The following SF3B2 variants were observed in gnomAD, a reference collection of about 807,000 sequenced individuals.
SF3B2 encodes the protein splicing factor 3b subunit 2.
SF3B2 carries 22 observed loss-of-function variants against 116.3 expected under a neutral mutation model. That is an observed-to-expected ratio of 0.19 (90% CI 0.14 to 0.27). The LOEUF (loss-of-function observed/expected upper bound fraction) is 0.27, where lower values mean the gene tolerates loss of function less well. Ranked by LOEUF, SF3B2 falls within the 10% of genes least tolerant of loss-of-function variation. SF3B2 has a pLI of 1.00. For missense variants in SF3B2, 767 were observed against 1,151.4 expected (o/e 0.67, Z 4.83); for synonymous variants, 406 against 421.6 (o/e 0.96, Z 0.45).
At chr11:66,058,484 C>G (rs1857042623) in intron 9 of SF3B2, 79 bp downstream of exon 9, 2 of 1,084,378 alleles carry the variant, frequency 1.8e-6, no homozygotes, top group Admixed American at 3.7e-5. Context: ...TGTAAGTGTT[C>G]AGTAAGTAAT....
At chr11:66,052,647 C>T in intron 1 of SF3B2, 26 bp from the exon 2 acceptor site, 1 of 1,597,868 alleles carries the variant, frequency 6.3e-7, no homozygotes, top group Non-Finnish European at 8.5e-7. Context: ...TGGCCTGCCC[C>T]ATTGATCGTG....
At position 66,056,937 on chromosome 11, in the gene SF3B2, A is replaced by C; in HGVS notation, c.649A>C (p.Thr217Pro). Residue 217 changes from threonine (T) to proline (P), a missense_variant, in exon 6 of 22, where the codon ACT becomes CCT. Physicochemically the swap from Thr to Pro is conservative, Grantham distance 38. Coordinates refer to ENST00000322535, the MANE Select transcript of SF3B2 (RefSeq NM_006842.3). ...AGACATGGGCCAGATTGGTGTGCGC[A>C]CTCCTCTGGGTCCTCGAGGTGAGAC... ...PQDMGQIGVR[T>P]PLGPRVAAPV... is the part of the protein sequence containing the mutation. 1 of 1,613,738 alleles carries C rather than the reference A, an allele frequency of 6.2e-7. No homozygotes were observed. The highest frequency in any genetic ancestry group is 1.3e-5 in the African/African-American group (1 of 74,956).
At chr11:66,064,622 T>G (rs1857149128) in intron 19 of SF3B2, 1 of 152,240 alleles carries the variant, frequency 6.6e-6, no homozygotes, top group Admixed American at 6.5e-5. Flanking sequence ...TCTTTGTGTA[T>G]ATCCAGGTTT....
At chr11:66,067,773 AC>A (rs577311481) in intron 19 of SF3B2, 172 bp from the exon 20 acceptor site, 22 of 601,720 alleles carry the variant, frequency 3.7e-5, no homozygotes, top group African/African-American at 1.7e-4. Context: ...GCACTGTGCC[AC>A]CCCCCCGCCC....
At chr11:66,057,062 A>G (rs1424925074) in intron 6 of SF3B2, 107 bp downstream of exon 6, 1 of 891,006 alleles carries the variant, frequency 1.1e-6, no homozygotes, top group Non-Finnish European at 1.8e-6. Flanking sequence ...TAGTAAATAT[A>G]TAGTTTAATG....
At chr11:66,063,314 CT>C in intron 17 of SF3B2, 85 bp from the exon 18 acceptor site, 1 of 1,347,958 alleles carries the variant, frequency 7.4e-7, no homozygotes, top group East Asian at 2.4e-5. Context: ...TGTGTTTTGA[CT>C]CTTACACCCC....
At position 66,054,203 on chromosome 11, in the gene SF3B2, C is replaced by T. The variant is rs12291694; in HGVS notation, c.259-873C>T. 6.4e-3 allele frequency among the ~76,000 whole-genome samples: 950 copies of T among 147,924 alleles called. 10 individuals are homozygous for T. Among genetic ancestry groups the T allele is most frequent in the African/African-American group, 0.022 (899 of 40,104 alleles). ...TCAAAAAAAAAAAAAAGAGGCAGGG[C>T]ATGGTGGCTCATGCCTGTAATCCCA... On this transcript the variant is annotated intron_variant, in intron 3 of 21. Coordinates refer to ENST00000322535, the MANE Select transcript of SF3B2 (RefSeq NM_006842.3).
chr11:66,058,917 A>G lies in SF3B2; in HGVS notation c.1054A>G (p.Lys352Glu), dbSNP rs921957001. 1.1e-5 allele frequency: 17 copies of G among 1,613,952 alleles called. No individual in the cohort carries two copies. Among genetic ancestry groups the G allele is most frequent in the Non-Finnish European group, 1.4e-5 (17 of 1,179,994 alleles). The change falls in exon 10 of 22, where the codon AAA (lysine) becomes GAA (glutamate). Residue 352 changes from lysine (K) to glutamate (E), a missense_variant. Physicochemically the swap from Lys to Glu is moderately conservative, Grantham distance 56. This residue lies in a region of SF3B2 where 455 missense variants were observed against 537.5 expected (regional missense o/e 0.85). Coordinates refer to ENST00000322535, the MANE Select transcript of SF3B2 (RefSeq NM_006842.3). ...CTCTGAGAGCTCTGGGGACCGGGAG[A>G]AAGACTCAACCCGGTCCCGTGGCTC... is the stretch of plus-strand genomic sequence containing the variant. ...VSSESSGDRE[K>E]DSTRSRGSDS... is the part of the protein sequence containing the mutation.
chr11:66,069,042 G>A lies in SF3B2; in HGVS notation c.*297G>A, dbSNP rs186331942. The stretch of plus-strand genomic sequence containing the variant: ...TTAGACGGCGCATTTGACTGGTGGT[G>A]ACGCCAACCCCAGGCTGAAATCTGT... On this transcript the variant is annotated 3_prime_UTR_variant, in exon 22 of 22. Coordinates refer to ENST00000322535, the MANE Select transcript of SF3B2 (RefSeq NM_006842.3). 275 of 419,364 alleles carry A rather than the reference G, an allele frequency of 6.6e-4. 2 individuals are homozygous for A. Among genetic ancestry groups the A allele is most frequent in the Non-Finnish European group, 1.1e-3 (238 of 222,836 alleles). 26.0% of individuals were successfully genotyped at this position (419,364 alleles called of 1,614,324 possible).
intron 16 of SF3B2, 28 bp downstream of exon 16, chr11:66,062,026 G>C: frequency 6.5e-7 from 1 of 1,538,436 alleles, no homozygotes; most frequent in Non-Finnish European, 8.9e-7. Context: ...GTTCATTCTT[G>C]GCCATTTCTG....
chr11:66,056,010 T>G (rs1210417626), intron 5 of SF3B2, among the ~76,000 whole-genome samples: 4 of 152,162 alleles, frequency 2.6e-5, no homozygotes. Flanking sequence ...GGACTGTAAG[T>G]CTGGGAATGT....
Position 66,069,286 on chromosome 11 carries a change from A to G in SF3B2, c.*541A>G. On this transcript the variant is annotated 3_prime_UTR_variant, in exon 22 of 22. Transcript: ENST00000322535. ...CCTTACCTGTGCGACAACATAGCTC[A>G]AAAGCTAAATTGTCTTGAGTCCATA... is the stretch of plus-strand genomic sequence containing the variant. 2.3e-6 allele frequency: 1 copy of G among 431,922 alleles called. No individual in the cohort carries two copies. The highest frequency in any genetic ancestry group is 4.8e-6 in the Non-Finnish European group (1 of 208,494). The allele number at this position is 431,922 out of a possible 1,614,324, so 26.8% of individuals were successfully genotyped here.
chr11:66,059,256 T>C lies in SF3B2; in HGVS notation c.1238T>C (p.Leu413Pro), dbSNP rs776310775. Residue 413 changes from leucine to proline, a missense_variant, in exon 11 of 22, where the codon CTG (leucine) becomes CCG (proline). By Grantham distance (98) the Leu-to-Pro change is moderately conservative (BLOSUM62 -3). This residue lies in a region of SF3B2 where 455 missense variants were observed against 537.5 expected (regional missense o/e 0.85). Coordinates refer to ENST00000322535, the MANE Select transcript of SF3B2 (RefSeq NM_006842.3). The surrounding 1 kb of genome is among the most constrained non-coding windows in gnomAD (Gnocchi z 5.0). The part of the protein sequence containing the change: ...KEKEPEKLDK[L>P]ENSAAPKKKG... ...AAGGAGCCAGAGAAACTTGACAAACTGGAGAACTCTGCAGCCCCCAAGAAG... is the reference window on the plus strand; with the variant it reads ...AAGGAGCCAGAGAAACTTGACAAACCGGAGAACTCTGCAGCCCCCAAGAAG... 5 of 1,613,962 alleles carry C rather than the reference T, an allele frequency of 3.1e-6. No individual in the cohort carries two copies. The Admixed American group carries it at 8.3e-5, about 27-fold the overall frequency.
chr11:66,057,654 T>TGCTTACATCACTTGGGCAGC (rs1857025139), intron 7 of SF3B2, among the ~76,000 whole-genome samples: 1 of 152,060 alleles, frequency 6.6e-6, no homozygotes, highest in African/African-American at 2.4e-5. Flanking sequence ...GCAGCCTTTC[T>TGCTTACATCACTTGGGCAGC]AGTCCAAGAG....
chr11:66,058,292 A>G (rs749446438), intron 8 of SF3B2, 22 bp from the exon 9 acceptor site: 5 of 1,609,802 alleles, frequency 3.1e-6, no homozygotes, highest in Non-Finnish European at 4.3e-6. Context: ...GTGAAGACTC[A>G]TCACCACCTT....
chr11:66,068,172 C>T lies in SF3B2; in HGVS notation c.2455C>T (p.Pro819Ser). The change falls in exon 21 of 22, where the codon CCT becomes TCT. Residue 819 changes from proline (P) to serine (S), a missense_variant. By Grantham distance (74) the Pro-to-Ser change is moderately conservative (BLOSUM62 -1). Around this residue, in one of 4 missense-constraint regions of SF3B2, gnomAD observed 282 missense variants for 568.0 expected, o/e 0.50. Transcript: ENST00000322535. ...STVMSRKGPAPELQGVEVALA... is the reference protein window; with the variant it reads ...STVMSRKGPASELQGVEVALA... ...GGTTATGAGCCGGAAGGGCCCGGCTCCTGAGCTGCAAGGTGTGGAAGTGGC... is the reference window on the plus strand; with the variant it reads ...GGTTATGAGCCGGAAGGGCCCGGCTTCTGAGCTGCAAGGTGTGGAAGTGGC... The T allele has an allele frequency of 1.2e-6, 2 of 1,614,222 alleles. No individual in the cohort carries two copies. The highest frequency in any genetic ancestry group is 2.2e-5 in the South Asian group (2 of 91,086).
intron 5 of SF3B2, 45 bp from the exon 6 acceptor site, chr11:66,056,793 C>A: frequency 6.8e-7 from 1 of 1,463,502 alleles, no homozygotes; most frequent in Non-Finnish European, 9.6e-7. Context: ...GGCTGCCTGC[C>A]AAATGCGTTT....
chr11:66,053,542 C>T (rs1344156878), intron 3 of SF3B2: 4 of 201,298 alleles, frequency 2.0e-5, no homozygotes, highest in African/African-American at 7.0e-5. Context: ...TAGCTGGGCA[C>T]GGTGGCACGC....
intron 5 of SF3B2, 130 bp from the exon 6 acceptor site, chr11:66,056,708 G>T: frequency 1.5e-6 from 1 of 665,968 alleles, no homozygotes. Flanking sequence ...GGGGTGGAGG[G>T]GATGTCAGCA....
Sources: gnomAD v4.1 joint callset for allele counts (sites outside exome capture counted in the v4.1 genomes callset) on GRCh38, gnomAD v4.1.1 for gene constraint, gnomAD v4.1.1 regional missense constraint, Gnocchi (gnomAD v3.1) non-coding constraint, MANE v1.5 for transcripts, NCBI Gene and HGNC (gene_info 2026-07-23, HGNC 2026-07-21) for gene names.